The following CHMP3 variants were observed in gnomAD, a reference collection of about 807,000 sequenced individuals.
CHMP3 encodes 25.1 protein.
In CHMP3, 8 loss-of-function variants were observed where a neutral mutation model predicts 27.4. The observed-to-expected ratio is 0.29, with a 90% CI of 0.17 to 0.53. CHMP3 has a LOEUF of 0.53. Ranked by LOEUF, CHMP3 falls within the 20% of genes least tolerant of loss-of-function variation. The pLI, the probability that CHMP3 is intolerant of heterozygous loss-of-function variation, is 0.96. For missense variants in CHMP3, 208 were observed against 271.5 expected (o/e 0.77, Z 1.64); for synonymous variants, 86 against 85.5 (o/e 1.01, Z -0.03).
At chr2:86,538,296 T>C (rs1190410585) in intron 2 of CHMP3, among the ~76,000 whole-genome samples, 1 of 152,180 alleles carries the variant, frequency 6.6e-6, no homozygotes, top group Non-Finnish European at 1.5e-5. Flanking sequence ...TATTGTTTAA[T>C]AGGTACAGAG....
chr2:86,556,069 T>C (rs763687106), intron 1 of CHMP3, among the ~76,000 whole-genome samples: 2 of 152,164 alleles, frequency 1.3e-5, no homozygotes, highest in Non-Finnish European at 2.9e-5. Context: ...ATCCTTAAAA[T>C]ACAGAAATAC....
At chr2:86,513,568 T>C (rs1275761945) in intron 3 of CHMP3, among the ~76,000 whole-genome samples, 2 of 152,198 alleles carry the variant, frequency 1.3e-5, no homozygotes, top group African/African-American at 4.8e-5. Flanking sequence ...GTGTGGGATG[T>C]TGACAGTGAA....
At chr2:86,559,731 G>C (rs535078896) in intron 1 of CHMP3, among the ~76,000 whole-genome samples, 9 of 152,038 alleles carry the variant, frequency 5.9e-5, no homozygotes, top group Non-Finnish European at 7.4e-5. Context: ...CCTTGGGCAG[G>C]GTATCTCCAG....
intron 3 of CHMP3, among the ~76,000 whole-genome samples, chr2:86,514,451 A>T (rs1370421279): frequency 6.6e-6 from 1 of 152,226 alleles, no homozygotes; most frequent in Non-Finnish European, 1.5e-5. Context: ...TATTTAAAGT[A>T]TAAAACTATC....
chr2:86,525,681 T>C (rs1279925467), intron 3 of CHMP3, among the ~76,000 whole-genome samples: 2 of 151,914 alleles, frequency 1.3e-5, no homozygotes. Context: ...AAAATGCAAA[T>C]GGGGGATTCA....
intron 3 of CHMP3, among the ~76,000 whole-genome samples, chr2:86,520,873 C>T (rs898408907): frequency 2.0e-5 from 3 of 152,126 alleles, no homozygotes; most frequent in African/African-American, 7.2e-5. Context: ...GCCAAGCCAT[C>T]GCATCCCCTG....
chr2:86,519,329 C>T (rs895779230), intron 3 of CHMP3, among the ~76,000 whole-genome samples: 1 of 148,960 alleles, frequency 6.7e-6, no homozygotes, highest in African/African-American at 2.5e-5. Context: ...TGTGCCACTG[C>T]GCTCCAGCCT....
At chr2:86,558,072 T>C (rs1217922081) in intron 1 of CHMP3, among the ~76,000 whole-genome samples, 1 of 152,210 alleles carries the variant, frequency 6.6e-6, no homozygotes, top group Non-Finnish European at 1.5e-5. Flanking sequence ...ATTTAAGAAT[T>C]CTGATGCCAT....
At chr2:86,549,222 G>C (rs1419737284) in intron 1 of CHMP3, among the ~76,000 whole-genome samples, 2 of 144,862 alleles carry the variant, frequency 1.4e-5, no homozygotes, top group Non-Finnish European at 3.0e-5. Context: ...CTCCCAGACA[G>C]GGCGGCCGGG....
chr2:86,540,222 G>A (rs1311186744), intron 2 of CHMP3, among the ~76,000 whole-genome samples: 1 of 152,022 alleles, frequency 6.6e-6, no homozygotes, highest in Non-Finnish European at 1.5e-5. Flanking sequence ...GGATCTGCAA[G>A]CTTAATAGTT....
At chr2:86,521,176 C>A (rs1169767139) in intron 3 of CHMP3, among the ~76,000 whole-genome samples, 4 of 151,486 alleles carry the variant, frequency 2.6e-5, no homozygotes, top group Non-Finnish European at 5.9e-5. Flanking sequence ...TAATGATAAT[C>A]CACCACCCTT....
intron 1 of CHMP3, among the ~76,000 whole-genome samples, chr2:86,554,298 T>C (rs1333365298): frequency 1.3e-5 from 2 of 152,254 alleles, no homozygotes; most frequent in African/African-American, 4.8e-5. Context: ...CTGCTATTAC[T>C]TCTACTTTTC....
chr2:86,536,450 T>C (rs575288559), intron 2 of CHMP3, among the ~76,000 whole-genome samples: 2 of 151,822 alleles, frequency 1.3e-5, no homozygotes, highest in African/African-American at 2.4e-5. Context: ...TAAACTCCCA[T>C]GGCTTTTGTT....
chr2:86,535,255 C>CA (rs574431905), intron 2 of CHMP3, among the ~76,000 whole-genome samples: 3,435 of 61,230 alleles, frequency 0.056, 86 homozygotes, highest in African/African-American at 0.11. Context: ...ACCCTATCTC[C>CA]AAAAAAAAAA....
rs1332987942 is a variant in CHMP3, at chr2:86,563,425, G to A, written c.-77C>T. 2 of 1,575,824 alleles carry A rather than the reference G, an allele frequency of 1.3e-6. No individual in the cohort carries two copies. Among genetic ancestry groups the A allele is most frequent in the South Asian group, 1.1e-5 (1 of 89,800 alleles). Reference sequence around the variant, plus strand: ...GCAGGTCACGGGCAGCCGCCTGGGCGGGGCCCGCGGAAAAGGAGGTAGTCC... The same window carrying A: ...GCAGGTCACGGGCAGCCGCCTGGGCAGGGCCCGCGGAAAAGGAGGTAGTCC... On this transcript the variant is annotated 5_prime_UTR_variant, in exon 1 of 6. Coordinates refer to ENST00000263856, the MANE Select transcript of CHMP3 (RefSeq NM_016079.4).
chr2:86,546,447 T>C (rs1320919314), intron 1 of CHMP3, among the ~76,000 whole-genome samples: 1 of 151,484 alleles, frequency 6.6e-6, no homozygotes, highest in Non-Finnish European at 1.5e-5. Context: ...ACTTTTTTTT[T>C]TTTTTTTGAG....
intron 1 of CHMP3, among the ~76,000 whole-genome samples, chr2:86,560,145 G>C (rs1420490007): frequency 6.6e-6 from 1 of 152,098 alleles, no homozygotes; most frequent in East Asian, 1.9e-4. Flanking sequence ...CGGGCCTGTA[G>C]TCCCAGCTAC....
At chr2:86,519,111 C>T (rs1675427631) in intron 3 of CHMP3, among the ~76,000 whole-genome samples, 3 of 152,102 alleles carry the variant, frequency 2.0e-5, no homozygotes, top group East Asian at 3.9e-4. Flanking sequence ...CGGTGGCTCA[C>T]GCCTGTAATC....
intron 2 of CHMP3, among the ~76,000 whole-genome samples, chr2:86,538,898 T>C (rs1185622191): frequency 6.6e-6 from 1 of 152,212 alleles, no homozygotes; most frequent in South Asian, 2.1e-4. Context: ...TAAACATAAC[T>C]GTACAGCTAT....
Sources: allele counts gnomAD v4.1 joint callset (sites outside exome capture counted in the v4.1 genomes callset), GRCh38; gene constraint gnomAD v4.1.1; transcripts MANE v1.5; gene names NCBI Gene and HGNC (gene_info 2026-07-23, HGNC 2026-07-21).